Variants in C1QTNF7 observed in about 807,000 individuals in gnomAD.
The protein encoded by C1QTNF7 is complement C1q tumor necrosis factor-related protein 7.
C1QTNF7 carries 15 observed loss-of-function variants against 19.6 expected under a neutral mutation model. The observed-to-expected ratio is 0.76, with a 90% CI of 0.51 to 1.18. The LOEUF is 1.18. C1QTNF7 is among the 50% of genes most tolerant of loss of function. The pLI is 0.00. For missense variants in C1QTNF7, 324 were observed against 359.7 expected (o/e 0.90, Z 0.80); for synonymous variants, 142 against 137.5 (o/e 1.03, Z -0.23).
rs186201020 is a variant in C1QTNF7, at chr4:15,406,283, G to C, written c.14-29453G>C. Among the ~76,000 whole-genome samples, 214 of 152,334 alleles carry C rather than the reference G, an allele frequency of 1.4e-3. 1 individual carries two copies. The highest frequency in any genetic ancestry group is 2.5e-3 in the South Asian group (12 of 4,826). ...CAATAGCTCTCTGTTGAATGAGTGAGAGTATAGACCAGAGCTAAGAAGCCA... is the reference window on the plus strand; with the variant it reads ...CAATAGCTCTCTGTTGAATGAGTGACAGTATAGACCAGAGCTAAGAAGCCA... On this transcript the variant is annotated intron_variant, in intron 1 of 2. Transcript: ENST00000295297.
At chr4:15,388,178 G>A (rs1378814935) in intron 1 of C1QTNF7, among the ~76,000 whole-genome samples, 2 of 152,212 alleles carry the variant, frequency 1.3e-5, no homozygotes, top group Non-Finnish European at 2.9e-5. Flanking sequence ...GAGAGAAGAG[G>A]TGCCAGAGGT....
chr4:15,438,673 C>T (rs1361527088), intron 2 of C1QTNF7, among the ~76,000 whole-genome samples: 1 of 152,164 alleles, frequency 6.6e-6, no homozygotes, highest in Non-Finnish European at 1.5e-5. Context: ...TAAAAATCTT[C>T]AGATAACACT....
chr4:15,345,464 A>G (rs1716684384), intron 1 of C1QTNF7, among the ~76,000 whole-genome samples: 1 of 152,102 alleles, frequency 6.6e-6, no homozygotes. Flanking sequence ...GTGTGAGAAA[A>G]TCTCCCATCA....
chr4:15,423,313 C>G (rs1362709368), upstream of C1QTNF7, among the ~76,000 whole-genome samples: 1 of 37,326 alleles, frequency 2.7e-5, no homozygotes, highest in East Asian at 4.5e-3. Context: ...GAGATCCTGT[C>G]TTCGCTTTCA....
intron 1 of C1QTNF7, among the ~76,000 whole-genome samples, chr4:15,404,254 G>A (rs1294586530): frequency 1.3e-5 from 2 of 152,126 alleles, no homozygotes; most frequent in Non-Finnish European, 2.9e-5. Flanking sequence ...TGGAAGCAGC[G>A]AGTGCTTGCT....
intron 1 of C1QTNF7, among the ~76,000 whole-genome samples, chr4:15,380,961 G>T (rs925439346): frequency 1.3e-5 from 2 of 151,970 alleles, no homozygotes; most frequent in African/African-American, 4.8e-5. Flanking sequence ...AAGAAAAAAA[G>T]GTAGAGGGAG....
chr4:15,398,845 G>A (rs1224643361), intron 1 of C1QTNF7, among the ~76,000 whole-genome samples: 2 of 152,190 alleles, frequency 1.3e-5, no homozygotes, highest in Admixed American at 1.3e-4. Flanking sequence ...GGCCAAGCAG[G>A]CAACGTGAGA....
intron 1 of C1QTNF7, among the ~76,000 whole-genome samples, chr4:15,345,578 C>T (rs563934394): frequency 1.3e-5 from 2 of 152,136 alleles, no homozygotes; most frequent in African/African-American, 4.8e-5. Flanking sequence ...TCTGCAAAAT[C>T]CTTGAAGCAA....
intron 1 of C1QTNF7, among the ~76,000 whole-genome samples, chr4:15,393,807 G>A (rs1421113097): frequency 6.6e-6 from 1 of 152,192 alleles, no homozygotes; most frequent in Non-Finnish European, 1.5e-5. Context: ...TCACATGTTT[G>A]TTGAGGCCTA....
chr4:15,423,860 G>A (rs966339568), upstream of C1QTNF7, among the ~76,000 whole-genome samples: 6 of 152,068 alleles, frequency 3.9e-5, no homozygotes, highest in African/African-American at 1.5e-4. Flanking sequence ...CTTTAGGCAA[G>A]TTCTCTCTTA....
chr4:15,339,932 C>A, upstream of C1QTNF7: 1 of 572,950 alleles, frequency 1.7e-6, no homozygotes, highest in East Asian at 3.0e-5. Flanking sequence ...GTTGGCAAGT[C>A]CCTGGGAGAA....
intron 1 of C1QTNF7, among the ~76,000 whole-genome samples, chr4:15,386,460 C>G (rs1331428294): frequency 1.3e-5 from 2 of 152,088 alleles, no homozygotes; most frequent in African/African-American, 2.4e-5. Context: ...AAAATACCTG[C>G]CCTCGTGGAG....
At chr4:15,382,848 G>A (rs546851779) in intron 1 of C1QTNF7, among the ~76,000 whole-genome samples, 17 of 152,204 alleles carry the variant, frequency 1.1e-4, no homozygotes, top group African/African-American at 3.6e-4. Flanking sequence ...CCAGCTGTTC[G>A]GACTAAGTAT....
At chr4:15,342,709 T>G (rs1443768898) in intron 1 of C1QTNF7, among the ~76,000 whole-genome samples, 1 of 152,236 alleles carries the variant, frequency 6.6e-6, no homozygotes, top group African/African-American at 2.4e-5. Context: ...GACAAGTAGC[T>G]TGGGCCTGGC....
chr4:15,404,942 T>C (rs563958620), intron 1 of C1QTNF7, among the ~76,000 whole-genome samples: 66 of 152,202 alleles, frequency 4.3e-4, no homozygotes, highest in Non-Finnish European at 2.9e-4. Flanking sequence ...TTAATGTACA[T>C]TGAGATATTC....
Position 15,428,101 on chromosome 4 carries a change from A to G in C1QTNF7, c.-14A>G. The G allele has an allele frequency of 1.0e-6, 1 of 984,972 alleles. No individual in the cohort carries two copies. The highest frequency in any genetic ancestry group is 1.2e-6 in the Non-Finnish European group (1 of 829,512). 61.0% of individuals were successfully genotyped at this position (984,972 alleles called of 1,614,324 possible). On this transcript the variant is annotated 5_prime_UTR_variant, in exon 1 of 3. Coordinates refer to ENST00000444304, the MANE Select transcript of C1QTNF7 (RefSeq NM_031911.5). ...ATCCTGCAGCAGCCCACCATCTAAG[A>G]GCAAGGTATGGTGTTTACTCTTTTT... is the stretch of plus-strand genomic sequence containing the variant.
At chr4:15,356,294 G>A (rs752261856) in intron 1 of C1QTNF7, among the ~76,000 whole-genome samples, 3 of 151,818 alleles carry the variant, frequency 2.0e-5, no homozygotes, top group East Asian at 1.9e-4. Flanking sequence ...TATTCCCCTC[G>A]TGTGTCCCTG....
chr4:15,376,506 A>G (rs928122858), intron 1 of C1QTNF7, among the ~76,000 whole-genome samples: 9 of 152,220 alleles, frequency 5.9e-5, no homozygotes, highest in African/African-American at 2.2e-4. Flanking sequence ...CAGTTCCCTT[A>G]CAATAAAATA....
At chr4:15,354,627 G>C (rs1717065481) in intron 1 of C1QTNF7, among the ~76,000 whole-genome samples, 1 of 152,084 alleles carries the variant, frequency 6.6e-6, no homozygotes, top group Non-Finnish European at 1.5e-5. Flanking sequence ...ACATTGGATG[G>C]TCTAAATCCC....
Sources: allele counts gnomAD v4.1 joint callset (sites outside exome capture counted in the v4.1 genomes callset), GRCh38; gene constraint gnomAD v4.1.1; transcripts MANE v1.5; gene names NCBI Gene and HGNC (gene_info 2026-07-23, HGNC 2026-07-21).